The following TMEM170B variants were observed in gnomAD, a reference collection of about 807,000 sequenced individuals.
TMEM170B encodes the protein transmembrane protein 170B.
In TMEM170B, 6 loss-of-function variants were observed where a neutral mutation model predicts 13.0. That is an observed-to-expected ratio of 0.46 (90% CI 0.25 to 0.91). TMEM170B has a LOEUF of 0.91. Ranked by LOEUF, TMEM170B falls within the 40% of genes least tolerant of loss-of-function variation. The pLI is 0.17. For synonymous variants in TMEM170B, 61 were observed against 64.9 expected (o/e 0.94, Z 0.29); for missense variants, 138 against 165.2 (o/e 0.84, Z 0.90).
chr6:11,539,681 T>C (rs542886345), intron 1 of TMEM170B, among the ~76,000 whole-genome samples: 1 of 152,354 alleles, frequency 6.6e-6, no homozygotes, highest in East Asian at 1.9e-4. Context: ...TATATTGTTA[T>C]AATTCTGGAA....
intron 2 of TMEM170B, among the ~76,000 whole-genome samples, chr6:11,567,185 G>A (rs1759744903): frequency 2.6e-5 from 4 of 152,204 alleles, no homozygotes; most frequent in African/African-American, 9.7e-5. Flanking sequence ...CAGAGCTTAG[G>A]TGTGTACCCT....
At chr6:11,545,404 T>A (rs568506460) in intron 1 of TMEM170B, among the ~76,000 whole-genome samples, 1 of 152,158 alleles carries the variant, frequency 6.6e-6, no homozygotes, top group African/African-American at 2.4e-5. Context: ...AAACCATGGA[T>A]ATTTCTGAAC....
chr6:11,572,407 CCTG>C (rs1181473635), intron 2 of TMEM170B, among the ~76,000 whole-genome samples: 1 of 151,738 alleles, frequency 6.6e-6, no homozygotes, highest in Non-Finnish European at 1.5e-5. Flanking sequence ...ATATTTATGC[CCTG>C]CTATTTTAAA....
intron 1 of TMEM170B, among the ~76,000 whole-genome samples, chr6:11,557,977 A>C (rs1427644557): frequency 6.6e-6 from 1 of 152,098 alleles, no homozygotes; most frequent in Non-Finnish European, 1.5e-5. Context: ...TGGCACAATC[A>C]TAGCTCACTG....
In TMEM170B at chr6:11,577,976, AAGTT is replaced by A. The variant is rs1446925818; in HGVS notation, c.*2419_*2422del. The A allele has an allele frequency of 2.0e-5, 3 of 152,250 alleles. No homozygotes were observed. The highest frequency in any genetic ancestry group is 2.9e-5 in the Non-Finnish European group (2 of 67,972). 9.4% of individuals were successfully genotyped at this position (152,250 alleles called of 1,614,324 possible). On this transcript the variant is annotated 3_prime_UTR_variant, in exon 3 of 3. Transcript: ENST00000379426. ...CTATTTATATGCTGAAATTTTTAAA[AAGTT>A]AGTAGCTTTCCTATAGACACAAGAA...
intron 1 of TMEM170B, among the ~76,000 whole-genome samples, chr6:11,556,456 TCCACACA>T (rs1416307201): frequency 6.6e-6 from 1 of 152,184 alleles, no homozygotes; most frequent in Non-Finnish European, 1.5e-5. Flanking sequence ...GGGGTCTCTC[TCCACACA>T]CTAGCCTCCC....
rs933875814 is a variant in TMEM170B at position 11,552,579 on chromosome 6, G to T, written c.98-13087G>T. Among the ~76,000 whole-genome samples, 4 of 152,290 alleles carry T rather than the reference G, an allele frequency of 2.6e-5. No individual in the cohort carries two copies. The East Asian group carries it at 7.7e-4, about 29-fold the overall frequency. On this transcript the variant is annotated intron_variant, in intron 1 of 2. Coordinates refer to ENST00000379426, the MANE Select transcript of TMEM170B (RefSeq NM_001100829.3). The stretch of plus-strand genomic sequence containing the variant: ...GTCTCTTCATAGAAGGGAAGTTGAG[G>T]TTGGGTTTTATTGCCTCTCAGAGTT...
intron 1 of TMEM170B, among the ~76,000 whole-genome samples, chr6:11,552,050 C>G (rs1040034899): frequency 1.3e-5 from 2 of 152,182 alleles, no homozygotes; most frequent in East Asian, 3.9e-4. Flanking sequence ...TCATACAGAT[C>G]CATGGCTCCA....
At chr6:11,563,680 T>TC (rs2113776702) in intron 1 of TMEM170B, among the ~76,000 whole-genome samples, 1 of 152,210 alleles carries the variant, frequency 6.6e-6, no homozygotes, top group South Asian at 2.1e-4. Context: ...GGTTACAACT[T>TC]GAGGCCAGGT....
At position 11,581,931 on chromosome 6, in the gene TMEM170B, T is replaced by C. The variant is rs112251073; in HGVS notation, c.*6370T>C. 2.6e-5 allele frequency: 4 copies of C among 152,346 alleles called. No homozygotes were observed. The highest frequency in any genetic ancestry group is 7.2e-5 in the African/African-American group (3 of 41,578). 9.4% of individuals were successfully genotyped at this position (152,346 alleles called of 1,614,324 possible). On this transcript the variant is annotated 3_prime_UTR_variant, in exon 3 of 3. Transcript: ENST00000379426. ...GTTGATAGTTTAACTGTTGACACTT[T>C]CTTAATGTTTTTGATGTTGGATGCA...
At chr6:11,545,873 G>A (rs187782835) in intron 1 of TMEM170B, among the ~76,000 whole-genome samples, 23 of 151,716 alleles carry the variant, frequency 1.5e-4, no homozygotes, top group East Asian at 1.4e-3. Context: ...TTAGCCGGGC[G>A]TGGTGGCGGG....
chr6:11,554,669 A>C (rs1197234570), intron 1 of TMEM170B, among the ~76,000 whole-genome samples: 1 of 152,118 alleles, frequency 6.6e-6, no homozygotes, highest in South Asian at 2.1e-4. Flanking sequence ...GTTTGAAATT[A>C]TATAATTAGC....
intron 1 of TMEM170B, among the ~76,000 whole-genome samples, chr6:11,538,992 C>T (rs1243488140): frequency 6.6e-6 from 1 of 152,186 alleles, no homozygotes; most frequent in African/African-American, 2.4e-5. Context: ...CTGTCTCTTT[C>T]CCTCAGGCCT....
At chr6:11,546,356 A>C (rs1421183542) in intron 1 of TMEM170B, among the ~76,000 whole-genome samples, 1 of 151,942 alleles carries the variant, frequency 6.6e-6, no homozygotes, top group Non-Finnish European at 1.5e-5. Flanking sequence ...ATTAGAAAAT[A>C]GTTAAAAAGT....
rs928223577 is a variant in TMEM170B at position 11,582,737 on chromosome 6, C to G, written c.*7176C>G. 6.6e-6 allele frequency: 1 copy of G among 152,064 alleles called. No individual in the cohort carries two copies. The highest frequency in any genetic ancestry group is 1.5e-5 in the Non-Finnish European group (1 of 67,996). 9.4% of individuals were successfully genotyped at this position (152,064 alleles called of 1,614,324 possible). ...GGGATTTATTTTTACTATAGAAATA[C>G]TAAATGTACTGTGAAGCTTAAAGAC... On this transcript the variant is annotated 3_prime_UTR_variant, in exon 3 of 3. Transcript: ENST00000379426.
At chr6:11,573,909 G>A (rs1266277647) in intron 2 of TMEM170B, among the ~76,000 whole-genome samples, 1 of 152,176 alleles carries the variant, frequency 6.6e-6, no homozygotes, top group Non-Finnish European at 1.5e-5. Context: ...ATTTGGATAT[G>A]TGACCAATTA....
At chr6:11,541,444 T>C (rs559696195) in intron 1 of TMEM170B, among the ~76,000 whole-genome samples, 2 of 152,222 alleles carry the variant, frequency 1.3e-5, no homozygotes, top group Admixed American at 1.3e-4. Flanking sequence ...TATCAAACTT[T>C]CTTTTGCAGC....
At chr6:11,557,741 A>C (rs1759609268) in intron 1 of TMEM170B, among the ~76,000 whole-genome samples, 1 of 152,172 alleles carries the variant, frequency 6.6e-6, no homozygotes, top group South Asian at 2.1e-4. Context: ...TCACACCAGA[A>C]ATCTGGGAGG....
chr6:11,572,031 A>T (rs1186379819), intron 2 of TMEM170B, among the ~76,000 whole-genome samples: 2 of 152,192 alleles, frequency 1.3e-5, no homozygotes, highest in Non-Finnish European at 2.9e-5. Context: ...ACAAAAAAGG[A>T]TGTCACCTGC....
Sources: allele counts gnomAD v4.1 joint callset (sites outside exome capture counted in the v4.1 genomes callset), GRCh38; gene constraint gnomAD v4.1.1; transcripts MANE v1.5; gene names NCBI Gene and HGNC (gene_info 2026-07-23, HGNC 2026-07-21).